IGSF9B: variants seen among roughly 807,000 people sequenced by gnomAD.
IGSF9B encodes protein turtle homolog B.
A neutral mutation model predicts 143.7 loss-of-function variants in IGSF9B; 48 were observed. That is an observed-to-expected ratio of 0.33 (90% confidence interval 0.26 to 0.42). The LOEUF is 0.42. IGSF9B is among the 20% of genes least tolerant of loss of function. IGSF9B has a pLI of 1.00. For missense variants in IGSF9B, 1,706 were observed against 1,980.0 expected (o/e 0.86, Z 2.63); for synonymous variants, 903 against 833.1 (o/e 1.08, Z -1.44).
Position 133,931,530 on chromosome 11 carries a change from T to C in IGSF9B, c.1291A>G (p.Arg431Gly). ...YFTVLPGWEYRQEAGRELLIP... is the reference protein window; with the variant it reads ...YFTVLPGWEYGQEAGRELLIP... ...AGTAGCTCCCGGCCGGCCTCCTGCC[T>C]GTACTCCCAGCCTGGTAGCACCGTG... The change falls in exon 10 of 20, where the codon AGG becomes GGG. Residue 431 changes from arginine (R) to glycine (G), a missense_variant. Transcript: ENST00000533871. The surrounding 1 kb of genome is among the most constrained non-coding windows in gnomAD (Gnocchi z 7.7). 1 of 1,613,300 alleles carries C rather than the reference T, an allele frequency of 6.2e-7. No individual in the cohort carries two copies. Among genetic ancestry groups the C allele is most frequent in the South Asian group, 1.1e-5 (1 of 91,076 alleles).
Position 133,921,384 on chromosome 11 carries a change from T to C in IGSF9B, c.2341A>G (p.Lys781Glu). The C allele has an allele frequency of 6.6e-7, 1 of 1,524,210 alleles. No individual in the cohort carries two copies. Among genetic ancestry groups the C allele is most frequent in the East Asian group, 2.3e-5 (1 of 43,672 alleles). 94.4% of individuals were successfully genotyped at this position (1,524,210 alleles called of 1,614,324 possible). The change falls in exon 18 of 20, where the codon AAG becomes GAG. Residue 781 changes from lysine (K) to glutamate (E), a missense_variant. By Grantham distance (56) the Lys-to-Glu change is moderately conservative. Coordinates refer to ENST00000533871, the MANE Select transcript of IGSF9B (RefSeq NM_001277285.4). ...KSLESPLSSGKVSPESIRTLR... is the reference protein window; with the variant it reads ...KSLESPLSSGEVSPESIRTLR... ...GTGCGGATGCTCTCGGGGCTCACCT[T>C]GCCAGAGGACAAGCTGCAAGGAGGA...
At chr11:133,918,380 G>C (rs1011003216) in intron 18 of IGSF9B, among the ~76,000 whole-genome samples, 1 of 152,202 alleles carries the variant, frequency 6.6e-6, no homozygotes, top group African/African-American at 2.4e-5. Context: ...GGGAAGCAGG[G>C]AGGGGCACAG....
chr11:133,920,772 C>G lies in IGSF9B; in HGVS notation c.2953G>C (p.Val985Leu), dbSNP rs374101848. Residue 985 changes from valine to leucine, a missense_variant, in exon 18 of 20, where the codon GTG (valine) becomes CTG (leucine). By Grantham distance (32) the Val-to-Leu change is conservative. Transcript: ENST00000533871. The part of the protein sequence containing the change: ...PGEVEPPPFY[V>L]PEVGSPLSSV... ...CTCAGGGGGCTGCCCACTTCTGGCACGTAGAACGGGGGCGGCTCCACCTCC... is the reference window on the plus strand; with the variant it reads ...CTCAGGGGGCTGCCCACTTCTGGCAGGTAGAACGGGGGCGGCTCCACCTCC... 7 of 1,611,472 alleles carry G rather than the reference C, an allele frequency of 4.3e-6. No homozygotes were observed. Among genetic ancestry groups the G allele is most frequent in the Non-Finnish European group, 5.9e-6 (7 of 1,179,050 alleles).
chr11:133,924,724 C>G, intron 15 of IGSF9B, 96 bp downstream of exon 15: 1 of 1,017,264 alleles, frequency 9.8e-7, no homozygotes, highest in Non-Finnish European at 1.5e-6. Context: ...TCCAATCCAG[C>G]TTCTCCTCGT....
chr11:133,953,490 A>G lies in IGSF9B; in HGVS notation c.64+3201T>C, dbSNP rs6590733. ...GTCCTTCTCAGCCGATAGGCTCACCACGGGGTCTTGATAGCAACCTCTGAG... is the reference window on the plus strand; with the variant it reads ...GTCCTTCTCAGCCGATAGGCTCACCGCGGGGTCTTGATAGCAACCTCTGAG... On this transcript the variant is annotated intron_variant, in intron 1 of 19. Coordinates refer to ENST00000533871, the MANE Select transcript of IGSF9B (RefSeq NM_001277285.4). This position sits in a 1 kb window ranked among gnomAD's most constrained non-coding sequence, Gnocchi z 4.2. Among the ~76,000 whole-genome samples the G allele has an allele frequency of 0.015, 2,294 of 152,168 alleles. 48 individuals carry two copies. The highest frequency in any genetic ancestry group is 0.043 in the African/African-American group (1,802 of 41,506).
Position 133,902,079 on chromosome 11 carries a change from C to T in IGSF9B, c.*6990G>A, listed in dbSNP as rs577071663. 2.0e-5 allele frequency among the ~76,000 whole-genome samples: 3 copies of T among 147,868 alleles called. No homozygotes were observed. In the East Asian group the frequency reaches 6.1e-4, roughly 30 times the overall value. On this transcript the variant is annotated 3_prime_UTR_variant, in exon 20 of 20. Coordinates refer to ENST00000533871, the MANE Select transcript of IGSF9B (RefSeq NM_001277285.4). ...CACACATACCACACACAATAACACA[C>T]CACATACAATACACAAAACACATAG...
At chr11:133,933,552 C>G (rs377218123) in intron 7 of IGSF9B, among the ~76,000 whole-genome samples, 1 of 152,168 alleles carries the variant, frequency 6.6e-6, no homozygotes, top group Non-Finnish European at 1.5e-5. Context: ...TTAAGACCAG[C>G]CTGGGCAATT....
rs1016196666 is a variant in IGSF9B at position 133,948,127 on chromosome 11, G to A, written c.65-1869C>T. ...TCGGTTGGCTCATGCAAGGGGAGGG[G>A]TTCTGCCTGCTTCTCTGTATGCAAG... is the stretch of plus-strand genomic sequence containing the variant. On this transcript the variant is annotated intron_variant, in intron 1 of 19. Coordinates refer to ENST00000533871, the MANE Select transcript of IGSF9B (RefSeq NM_001277285.4). The surrounding 1 kb of genome is among the most constrained non-coding windows in gnomAD (Gnocchi z 4.7). 1.3e-5 allele frequency among the ~76,000 whole-genome samples: 2 copies of A among 151,088 alleles called. No homozygotes were observed. The highest frequency in any genetic ancestry group is 4.9e-5 in the African/African-American group (2 of 40,956).
intron 18 of IGSF9B, among the ~76,000 whole-genome samples, chr11:133,916,210 A>G (rs1939379177): frequency 6.6e-6 from 1 of 152,188 alleles, no homozygotes; most frequent in African/African-American, 2.4e-5. Flanking sequence ...GTCCACAGAA[A>G]GGACAGGTCC....
rs577537006 is a variant in IGSF9B at position 133,935,225 on chromosome 11, A to G, written c.967+392T>C. Reference sequence around the variant, plus strand: ...AAGGCTGGGAGAAACCTAACCCTGCATGGGCCTGGGCTATGCTCCATAAGA... The same window carrying G: ...AAGGCTGGGAGAAACCTAACCCTGCGTGGGCCTGGGCTATGCTCCATAAGA... On this transcript the variant is annotated intron_variant, in intron 7 of 19. Coordinates refer to ENST00000533871, the MANE Select transcript of IGSF9B (RefSeq NM_001277285.4). 2.0e-5 allele frequency among the ~76,000 whole-genome samples: 3 copies of G among 152,352 alleles called. No homozygotes were observed. In the South Asian group the frequency reaches 6.2e-4, roughly 32 times the overall value.
intron 5 of IGSF9B, among the ~76,000 whole-genome samples, chr11:133,937,072 G>A (rs189327529): frequency 1.3e-5 from 2 of 152,272 alleles, no homozygotes; most frequent in Admixed American, 6.5e-5. Flanking sequence ...CCAGGGAGGC[G>A]GAGACATGGG....
At chr11:133,955,765 C>A (rs576781320) in intron 1 of IGSF9B, among the ~76,000 whole-genome samples, 1 of 152,238 alleles carries the variant, frequency 6.6e-6, no homozygotes, top group African/African-American at 2.4e-5. Flanking sequence ...CAAAAGCCCG[C>A]GCGCTCACGC....
Position 133,932,062 on chromosome 11 carries a change from C to T in IGSF9B, c.1110+9G>A, listed in dbSNP as rs577935710. The T allele has an allele frequency of 6.2e-7, 1 of 1,610,384 alleles. No homozygotes were observed. Among genetic ancestry groups the T allele is most frequent in the African/African-American group, 1.3e-5 (1 of 75,044 alleles). ...TCACTCCAACCCTCAACATGCATCT[C>T]TCTAGCACCTTCTCAACCTGCAGGG... is the stretch of plus-strand genomic sequence containing the variant. On this transcript the variant is annotated intron_variant, in intron 8 of 19. Transcript: ENST00000533871.
intron 3 of IGSF9B, among the ~76,000 whole-genome samples, chr11:133,941,902 A>C (rs1163793913): frequency 1.3e-5 from 2 of 152,194 alleles, no homozygotes; most frequent in Non-Finnish European, 2.9e-5. Context: ...CCATTTCTTC[A>C]GAGAAGTTCT....
At chr11:133,943,048 C>A (rs765563235) in intron 3 of IGSF9B, among the ~76,000 whole-genome samples, 1 of 152,136 alleles carries the variant, frequency 6.6e-6, no homozygotes, top group African/African-American at 2.4e-5. Flanking sequence ...GCCCAGCCCC[C>A]CCAGGCAGGG....
chr11:133,923,625 G>A (rs1224542397), intron 15 of IGSF9B, among the ~76,000 whole-genome samples: 1 of 152,230 alleles, frequency 6.6e-6, no homozygotes, highest in African/African-American at 2.4e-5. Context: ...ATTCATTGCT[G>A]CATCGATAAT....
rs747060683 is a variant in IGSF9B, at chr11:133,920,736, A to C, written c.2989T>G (p.Ser997Ala). The C allele has an allele frequency of 6.2e-7, 1 of 1,612,970 alleles. No homozygotes were observed. The highest frequency in any genetic ancestry group is 1.1e-5 in the South Asian group (1 of 91,056). Residue 997 changes from serine to alanine, a missense_variant, in exon 18 of 20, where the codon TCG (serine) becomes GCG (alanine). Ser to Ala is a moderately conservative substitution (Grantham distance 99). Coordinates refer to ENST00000533871, the MANE Select transcript of IGSF9B (RefSeq NM_001277285.4). ...CCCTCGGTGGGCAGGGGCGGGGACG[A>C]CATGACGGAGCTCAGGGGGCTGCCC... is the stretch of plus-strand genomic sequence containing the variant. ...EVGSPLSSVM[S>A]SPPLPTEGPF...
At position 133,908,805 on chromosome 11, in the gene IGSF9B, G is replaced by A. The variant is rs2121265353; in HGVS notation, c.*264C>T. ...GAGAAAAATCAACCTAGTGAAGCAG[G>A]GGGCGGAGGGGAGGAGACAGGTGTT... On this transcript the variant is annotated 3_prime_UTR_variant, in exon 20 of 20. Coordinates refer to ENST00000533871, the MANE Select transcript of IGSF9B (RefSeq NM_001277285.4). 2.4e-6 allele frequency: 1 copy of A among 413,202 alleles called. No homozygotes were observed. Among genetic ancestry groups the A allele is most frequent in the African/African-American group, 2.0e-5 (1 of 50,596 alleles). The allele number at this position is 413,202 out of a possible 1,614,324, so 25.6% of individuals were successfully genotyped here. A position where few individuals can be genotyped will look rare whatever the true frequency, so the allele number is the denominator to read the frequency against.
Position 133,906,222 on chromosome 11 carries a change from C to T in IGSF9B, c.*2847G>A, listed in dbSNP as rs117851229. On this transcript the variant is annotated 3_prime_UTR_variant, in exon 20 of 20. Coordinates refer to ENST00000533871, the MANE Select transcript of IGSF9B (RefSeq NM_001277285.4). The stretch of plus-strand genomic sequence containing the variant: ...CCTAGAGGTGGTTACACCCCCATCA[C>T]CCACATGCTCACAACCACGCTGTCA... Among the ~76,000 whole-genome samples, 78 of 152,344 alleles carry T rather than the reference C, an allele frequency of 5.1e-4. No homozygotes were observed. Among genetic ancestry groups the T allele is most frequent in the Non-Finnish European group, 7.6e-4 (52 of 68,040 alleles).
Sources: allele counts gnomAD v4.1 joint callset (sites outside exome capture counted in the v4.1 genomes callset), GRCh38; gene constraint gnomAD v4.1.1; non-coding constraint Gnocchi (gnomAD v3.1); transcripts MANE v1.5; gene names NCBI Gene and HGNC (gene_info 2026-07-23, HGNC 2026-07-21).